ANKRD52: variants seen among roughly 807,000 people sequenced by gnomAD.
ANKRD52 encodes the protein ankyrin repeat domain 52.
Under a neutral mutation model 116.0 loss-of-function variants are expected in ANKRD52, and 7 were observed. That is an observed-to-expected ratio of 0.06 (90% CI 0.03 to 0.11). ANKRD52 has a LOEUF of 0.11. Ranked by LOEUF, ANKRD52 falls within the 10% of genes least tolerant of loss-of-function variation. The pLI is 1.00. For missense variants in ANKRD52, 839 were observed against 1,408.6 expected (o/e 0.60, Z 6.47); for synonymous variants, 528 against 578.1 (o/e 0.91, Z 1.24).
At position 56,257,091 on chromosome 12, in the gene ANKRD52, G is replaced by T. The variant is rs1373618584; in HGVS notation, c.191-6C>A. 1 of 1,611,346 alleles carries T rather than the reference G, an allele frequency of 6.2e-7. No homozygotes were observed. The highest frequency in any genetic ancestry group is 8.5e-7 in the Non-Finnish European group (1 of 1,178,842). ...CTTAGCATTGACATTAGCACCTGTG[G>T]GGATATAATTTCCTATTTTGATGGA... is the stretch of plus-strand genomic sequence containing the variant. On this transcript the variant is annotated splice_region_variant and splice_polypyrimidine_tract_variant and intron_variant, in intron 3 of 27. Transcript: ENST00000267116.
chr12:56,245,660 G>T, intron 20 of ANKRD52, 64 bp from the exon 21 acceptor site: 1 of 1,495,934 alleles, frequency 6.7e-7, no homozygotes, highest in Non-Finnish European at 9.1e-7. Context: ...GCCTGTTGCT[G>T]GAGTCTGGCT....
rs181735762 is a variant in ANKRD52, at chr12:56,252,425, A to G, written c.1370+77T>C. 25 of 1,594,162 alleles carry G rather than the reference A, an allele frequency of 1.6e-5. No homozygotes were observed. In the African/African-American group the frequency reaches 2.1e-4, roughly 14 times the overall value. On this transcript the variant is annotated intron_variant, in intron 13 of 27. Transcript: ENST00000267116. This position sits in a 1 kb window ranked among gnomAD's most constrained non-coding sequence, Gnocchi z 4.7. ...AACATTCTCCTTATTTAAGTCTCCA[A>G]TCTAAACCCTTCCTCCCTCTACCAT...
chr12:56,244,166 G>A lies in ANKRD52; in HGVS notation c.2806-33C>T. Reference sequence around the variant, plus strand: ...AGGGGAACAGAGAGTGGAGACTTGTGAAGTAGAAATGTGGCAGGGTGCAGG... The same window carrying A: ...AGGGGAACAGAGAGTGGAGACTTGTAAAGTAGAAATGTGGCAGGGTGCAGG... On this transcript the variant is annotated intron_variant, in intron 25 of 27. Transcript: ENST00000267116. The surrounding 1 kb of genome is among the most constrained non-coding windows in gnomAD (Gnocchi z 4.9). 1 of 1,610,478 alleles carries A rather than the reference G, an allele frequency of 6.2e-7. No individual in the cohort carries two copies. Among genetic ancestry groups the A allele is most frequent in the East Asian group, 2.2e-5 (1 of 44,860 alleles).
At chr12:56,251,637 C>A (rs925181777) in intron 15 of ANKRD52, among the ~76,000 whole-genome samples, 2 of 149,374 alleles carry the variant, frequency 1.3e-5, no homozygotes, top group African/African-American at 4.9e-5. Flanking sequence ...TTATTTTGTA[C>A]ATTTAGCTTT....
At position 56,257,729 on chromosome 12, in the gene ANKRD52, C is replaced by T; in HGVS notation, c.111+99G>A. The T allele has an allele frequency of 2.5e-6, 3 of 1,196,872 alleles. No individual in the cohort carries two copies. In the South Asian group the frequency reaches 4.0e-5, roughly 16 times the overall value. The allele number at this position is 1,196,872 out of a possible 1,614,324, so 74.1% of individuals were successfully genotyped here. On this transcript the variant is annotated intron_variant, in intron 2 of 27. Coordinates refer to ENST00000267116, the MANE Select transcript of ANKRD52 (RefSeq NM_173595.4). Reference sequence around the variant, plus strand: ...AGGATGGAAAGAACTGCGGCCTCATCTGAGCAGAGGAGACACGGAGCCGCC... The same window carrying T: ...AGGATGGAAAGAACTGCGGCCTCATTTGAGCAGAGGAGACACGGAGCCGCC...
rs1334123877 is a variant in ANKRD52 at position 56,254,368 on chromosome 12, G to A, written c.694-89C>T. ...AGCCTCCAGATCCCAGAAATCCAAC[G>A]ACTGCCTCATTTCCTCTCGGGTTTA... On this transcript the variant is annotated intron_variant, in intron 7 of 27. Transcript: ENST00000267116. This position sits in a 1 kb window ranked among gnomAD's most constrained non-coding sequence, Gnocchi z 4.6. 1 of 1,484,914 alleles carries A rather than the reference G, an allele frequency of 6.7e-7. No homozygotes were observed. The highest frequency in any genetic ancestry group is 1.4e-5 in the African/African-American group (1 of 72,310). 92.0% of individuals were successfully genotyped at this position (1,484,914 alleles called of 1,614,324 possible). A position where few individuals can be genotyped will look rare whatever the true frequency, so the allele number is the denominator to read the frequency against.
rs765509424 is a variant in ANKRD52 at position 56,253,713 on chromosome 12, G to A, written c.985+9C>T. ...GGGGATGAGAGCACAAAGTCTCCCA[G>A]GTCCATACCATTCTGGATGAGGATC... On this transcript the variant is annotated intron_variant, in intron 9 of 27. Transcript: ENST00000267116. The surrounding 1 kb of genome is among the most constrained non-coding windows in gnomAD (Gnocchi z 5.5). 9 of 1,613,280 alleles carry A rather than the reference G, an allele frequency of 5.6e-6. No homozygotes were observed. In the African/African-American group the frequency reaches 1.2e-4, roughly 22 times the overall value.
chr12:56,247,636 A>G (rs1347424990), intron 19 of ANKRD52, 26 bp from the exon 20 acceptor site: 2 of 1,590,426 alleles, frequency 1.3e-6, no homozygotes, highest in African/African-American at 1.3e-5. Context: ...AGGAGGAGTG[A>G]GGATCCCGCA....
In ANKRD52 at chr12:56,243,295, G is replaced by A. The variant is rs1177094474; in HGVS notation, c.3078C>T (p.Ala1026=). Residue 1026 remains alanine, a synonymous_variant, in exon 28 of 28, where the codon GCC becomes GCT. Transcript: ENST00000267116. The surrounding 1 kb of genome is among the most constrained non-coding windows in gnomAD (Gnocchi z 4.6). ...GCAGGCTGAAGCTGAAAGGACTGAC[G>A]GCGTCCTTGGGTGGGAAAGGCTTCA... ...STMKPFPPKD[A]VSPFSFSLLK... 6.8e-6 allele frequency: 11 copies of A among 1,613,870 alleles called. No homozygotes were observed. Among genetic ancestry groups the A allele is most frequent in the Non-Finnish European group, 9.3e-6 (11 of 1,179,886 alleles).
Position 56,248,934 on chromosome 12 carries a change from G to C in ANKRD52, c.1593-64C>G, listed in dbSNP as rs569766536. 8.1e-7 allele frequency: 1 copy of C among 1,240,414 alleles called. No individual in the cohort carries two copies. Among genetic ancestry groups the C allele is most frequent in the South Asian group, 1.5e-5 (1 of 67,168 alleles). 76.8% of individuals were successfully genotyped at this position (1,240,414 alleles called of 1,614,324 possible). ...CCAGCCCAGGAGGGCACAGTTCTGG[G>C]AGGGCCAGAGGAGAGGACCAAGGCC... On this transcript the variant is annotated intron_variant, in intron 15 of 27. Coordinates refer to ENST00000267116, the MANE Select transcript of ANKRD52 (RefSeq NM_173595.4). This position sits in a 1 kb window ranked among gnomAD's most constrained non-coding sequence, Gnocchi z 5.1.
chr12:56,244,582 C>T lies in ANKRD52; in HGVS notation c.2722+70G>A, dbSNP rs1871309287. 2 of 1,604,930 alleles carry T rather than the reference C, an allele frequency of 1.2e-6. No homozygotes were observed. Among genetic ancestry groups the T allele is most frequent in the African/African-American group, 1.3e-5 (1 of 74,888 alleles). On this transcript the variant is annotated intron_variant, in intron 24 of 27. Transcript: ENST00000267116. This position sits in a 1 kb window ranked among gnomAD's most constrained non-coding sequence, Gnocchi z 4.9. ...GAACCCCAGCCCCAGCCAGCCTCCA[C>T]AGGCAGGGCTGACCCATCCTGCAAA... is the stretch of plus-strand genomic sequence containing the variant.
chr12:56,244,795 G>A lies in ANKRD52; in HGVS notation c.2579C>T (p.Thr860Ile), dbSNP rs1213498951. ...CGCGAAGGCAGCGGCGTGAAGGGGGGTCCTGTAAGGCAGGGATCAGGGTAG... is the reference window on the plus strand; with the variant it reads ...CGCGAAGGCAGCGGCGTGAAGGGGGATCCTGTAAGGCAGGGATCAGGGTAG... The part of the protein sequence containing the change: ...IVNSRDAKGR[T>I]PLHAAAFADN... The change falls in exon 24 of 28, where the codon ACC (threonine) becomes ATC (isoleucine). Residue 860 changes from threonine to isoleucine, a missense_variant and splice_region_variant. Thr to Ile is a moderately conservative substitution (Grantham distance 89). Transcript: ENST00000267116. The surrounding 1 kb of genome is among the most constrained non-coding windows in gnomAD (Gnocchi z 4.9). 1 of 1,613,766 alleles carries A rather than the reference G, an allele frequency of 6.2e-7. No individual in the cohort carries two copies. The highest frequency in any genetic ancestry group is 1.1e-5 in the South Asian group (1 of 91,082).
Position 56,257,009 on chromosome 12 carries a change from G to C in ANKRD52, c.261+6C>G, listed in dbSNP as rs1479730451. The C allele has an allele frequency of 2.2e-5, 35 of 1,612,292 alleles. No individual in the cohort carries two copies. Among genetic ancestry groups the C allele is most frequent in the Non-Finnish European group, 2.9e-5 (34 of 1,179,160 alleles). On this transcript the variant is annotated splice_donor_region_variant and intron_variant, in intron 4 of 27. Coordinates refer to ENST00000267116, the MANE Select transcript of ANKRD52 (RefSeq NM_173595.4). ...TGAAAGGGTAATAGAAGGTGGGGGTGCATACCTCGTTTCGGGAGGCAGCAG... is the reference window on the plus strand; with the variant it reads ...TGAAAGGGTAATAGAAGGTGGGGGTCCATACCTCGTTTCGGGAGGCAGCAG...
chr12:56,250,071 C>T (rs1397897602), intron 15 of ANKRD52, among the ~76,000 whole-genome samples: 4 of 151,958 alleles, frequency 2.6e-5, no homozygotes, highest in Non-Finnish European at 4.4e-5. Context: ...GTGATAGGCA[C>T]CTGTAATCCC....
chr12:56,250,681 C>T (rs1477690970), intron 15 of ANKRD52, among the ~76,000 whole-genome samples: 1 of 147,700 alleles, frequency 6.8e-6, no homozygotes, highest in African/African-American at 2.5e-5. Flanking sequence ...CCCAGGAGTT[C>T]GAGACCAGTG....
chr12:56,251,738 CAAAAAAA>C (rs11286294), intron 15 of ANKRD52, among the ~76,000 whole-genome samples: 10 of 83,572 alleles, frequency 1.2e-4, no homozygotes, highest in East Asian at 3.6e-4. Flanking sequence ...ACTCTGTCTC[CAAAAAAA>C]AAAAAAAAAA....
chr12:56,245,729 T>G (rs1871368333), intron 20 of ANKRD52, 133 bp from the exon 21 acceptor site: 2 of 835,384 alleles, frequency 2.4e-6, no homozygotes, highest in Non-Finnish European at 3.5e-6. Flanking sequence ...TTTTTTTTTT[T>G]TTGGAGTCGG....
rs1362423876 is a variant in ANKRD52, at chr12:56,252,045, A to G, written c.1562T>C (p.Leu521Pro). ...SSHDAEEDEP[L>P]KESRRKEAFF... ...GGCCTCCTTCCTGCGGGACTCCTTC[A>G]GTGGCTCGTCCTCTTCGGCATCATG... The change falls in exon 15 of 28, where the codon CTG becomes CCG. Residue 521 changes from leucine to proline, a missense_variant. Leu to Pro is a moderately conservative substitution (Grantham distance 98). Coordinates refer to ENST00000267116, the MANE Select transcript of ANKRD52 (RefSeq NM_173595.4). The surrounding 1 kb of genome is among the most constrained non-coding windows in gnomAD (Gnocchi z 4.7). 1.2e-6 allele frequency: 2 copies of G among 1,613,916 alleles called. No individual in the cohort carries two copies. The highest frequency in any genetic ancestry group is 2.7e-5 in the African/African-American group (2 of 75,032).
At chr12:56,245,033 G>A in intron 22 of ANKRD52, 44 bp from the exon 23 acceptor site, 1 of 1,612,044 alleles carries the variant, frequency 6.2e-7, no homozygotes, top group Non-Finnish European at 8.5e-7. Context: ...GACAAGGGAA[G>A]TAGACTACCT....
Sources: allele counts gnomAD v4.1 joint callset (sites outside exome capture counted in the v4.1 genomes callset), GRCh38; gene constraint gnomAD v4.1.1; non-coding constraint Gnocchi (gnomAD v3.1); transcripts MANE v1.5; gene names NCBI Gene and HGNC (gene_info 2026-07-23, HGNC 2026-07-21).